Variants in LGR4 observed in about 807,000 individuals in gnomAD.
LGR4 encodes the protein leucine rich repeat containing G protein-coupled receptor 4.
LGR4 carries 44 observed loss-of-function variants against 84.8 expected under a neutral mutation model. The ratio of observed to expected loss-of-function variants is 0.52; its 90% CI spans 0.41 to 0.67. The LOEUF (loss-of-function observed/expected upper bound fraction) is 0.67, where lower values mean the gene tolerates loss of function less well. Among genes scored for constraint, LGR4 ranks in the 30% least tolerant of loss-of-function variants. The pLI, the probability that LGR4 is intolerant of heterozygous loss-of-function variation, is 0.00. For missense variants in LGR4, 1,032 were observed against 1,131.4 expected (o/e 0.91, Z 1.26); for synonymous variants, 429 against 434.3 (o/e 0.99, Z 0.15).
intron 2 of LGR4, among the ~76,000 whole-genome samples, chr11:27,396,631 C>T (rs1027348005): frequency 6.6e-6 from 1 of 152,146 alleles, no homozygotes; most frequent in Non-Finnish European, 1.5e-5. Flanking sequence ...AGCCACTTCC[C>T]ATTCCATGCC....
intron 2 of LGR4, among the ~76,000 whole-genome samples, chr11:27,406,717 C>A (rs12787344): frequency 0.16 from 24,932 of 152,058 alleles, 2,485 homozygotes; most frequent in South Asian, 0.28. Context: ...GTGATCTTTG[C>A]TACCAAGTCA....
At chr11:27,472,091 CCT>C (rs1239321252) in intron 1 of LGR4, 25 bp downstream of exon 1, 16 of 1,291,030 alleles carry the variant, frequency 1.2e-5, no homozygotes, top group East Asian at 6.6e-5. Context: ...CCTCCCCCCC[CCT>C]CGCGTCCCCG....
intron 2 of LGR4, among the ~76,000 whole-genome samples, chr11:27,408,221 T>G (rs547512875): frequency 4.7e-4 from 72 of 152,136 alleles, no homozygotes; most frequent in Non-Finnish European, 8.7e-4. Flanking sequence ...AATTATTTAC[T>G]AGCCCCGTTT....
chr11:27,368,038 G>C lies in LGR4; in HGVS notation c.2685C>G (p.Tyr895Ter). Residue 895 changes from tyrosine to a stop codon, truncating the protein, a stop_gained, in exon 18 of 18, where the codon TAC becomes TAG. Coordinates refer to ENST00000379214, the MANE Select transcript of LGR4 (RefSeq NM_018490.5). LOFTEE classifies it high-confidence loss of function. ...CCGACTGTGTGCCACAGTCGGACCA[G>C]TAGCCCTCAGGTCTTTGGCAAGAAG... ...AVASCQRPEGYWSDCGTQSAH... is the reference protein window; with the variant it reads ...AVASCQRPEG 1 of 1,514,750 alleles carries C rather than the reference G, an allele frequency of 6.6e-7. No individual in the cohort carries two copies. The highest frequency in any genetic ancestry group is 9.0e-7 in the Non-Finnish European group (1 of 1,116,920). The allele number at this position is 1,514,750 out of a possible 1,614,324, so 93.8% of individuals were successfully genotyped here.
chr11:27,426,937 G>C (rs962643748), intron 1 of LGR4, among the ~76,000 whole-genome samples: 3 of 152,168 alleles, frequency 2.0e-5, no homozygotes, highest in African/African-American at 7.2e-5. Context: ...ATGGTGCTTA[G>C]ACTATGAGGT....
In LGR4 at chr11:27,385,477, A is replaced by C. The variant is rs1287041118; in HGVS notation, c.402-9T>G. ...GGTTGGCATCTAAACGCCTAACAGA[A>C]ACAAAAACAACCATGTTCAGTAACA... On this transcript the variant is annotated splice_polypyrimidine_tract_variant and intron_variant, in intron 4 of 17. Coordinates refer to ENST00000379214, the MANE Select transcript of LGR4 (RefSeq NM_018490.5). 5 of 1,564,212 alleles carry C rather than the reference A, an allele frequency of 3.2e-6. No individual in the cohort carries two copies. The highest frequency in any genetic ancestry group is 3.5e-6 in the Non-Finnish European group (4 of 1,144,672).
chr11:27,424,019 T>C (rs1863972559), intron 1 of LGR4, among the ~76,000 whole-genome samples: 1 of 152,226 alleles, frequency 6.6e-6, no homozygotes, highest in Non-Finnish European at 1.5e-5. Context: ...TGAGAGTTAC[T>C]GCTTTATGAC....
At chr11:27,402,293 T>C (rs911030320) in intron 2 of LGR4, among the ~76,000 whole-genome samples, 2 of 152,178 alleles carry the variant, frequency 1.3e-5, no homozygotes, top group African/African-American at 4.8e-5. Flanking sequence ...GCTCTACTCC[T>C]AAATGAGAAC....
chr11:27,456,303 C>T (rs530344071), intron 1 of LGR4, among the ~76,000 whole-genome samples: 261 of 100,864 alleles, frequency 2.6e-3, no homozygotes, highest in African/African-American at 8.9e-3. Flanking sequence ...TAATAAACAT[C>T]AGCTCACACC....
At chr11:27,466,181 T>C (rs1471187906) in intron 1 of LGR4, among the ~76,000 whole-genome samples, 1 of 152,224 alleles carries the variant, frequency 6.6e-6, no homozygotes, top group Non-Finnish European at 1.5e-5. Context: ...TAAAGGCACA[T>C]TTGGCAGGGT....
chr11:27,430,818 T>C (rs1223262001), intron 1 of LGR4, among the ~76,000 whole-genome samples: 4 of 152,094 alleles, frequency 2.6e-5, no homozygotes, highest in Non-Finnish European at 5.9e-5. Context: ...GCAGTCTCTT[T>C]GTTCTATATC....
At chr11:27,378,637 G>T in intron 11 of LGR4, 60 bp downstream of exon 11, 2 of 1,132,388 alleles carry the variant, frequency 1.8e-6, no homozygotes, top group South Asian at 1.3e-5. Context: ...AAATAAAATT[G>T]AACATGTGTG....
chr11:27,441,047 C>T (rs1864297196), intron 1 of LGR4, among the ~76,000 whole-genome samples: 1 of 152,098 alleles, frequency 6.6e-6, no homozygotes, highest in South Asian at 2.1e-4. Flanking sequence ...GGAGAGTGTC[C>T]CCTTTTACAA....
At chr11:27,397,377 T>A (rs1325739497) in intron 2 of LGR4, among the ~76,000 whole-genome samples, 2 of 152,182 alleles carry the variant, frequency 1.3e-5, no homozygotes, top group African/African-American at 2.4e-5. Flanking sequence ...CTGATCTTCT[T>A]CAATGATCTT....
At chr11:27,431,487 C>T (rs769758116) in intron 1 of LGR4, among the ~76,000 whole-genome samples, 9 of 152,166 alleles carry the variant, frequency 5.9e-5, no homozygotes, top group African/African-American at 9.7e-5. Flanking sequence ...TAAACATTCA[C>T]GGGGAGGAGA....
intron 2 of LGR4, among the ~76,000 whole-genome samples, chr11:27,410,312 T>A (rs1590371285): frequency 6.6e-6 from 1 of 152,270 alleles, no homozygotes; most frequent in East Asian, 1.9e-4. Context: ...ATACTTCTTC[T>A]GTATTCTTGG....
At chr11:27,407,324 T>C (rs1363859900) in intron 2 of LGR4, among the ~76,000 whole-genome samples, 3 of 152,130 alleles carry the variant, frequency 2.0e-5, no homozygotes, top group Non-Finnish European at 2.9e-5. Flanking sequence ...TCCCCTCCAA[T>C]TCTGTGCCTT....
At chr11:27,383,172 G>A (rs1409471279) in intron 6 of LGR4, among the ~76,000 whole-genome samples, 8 of 152,192 alleles carry the variant, frequency 5.3e-5, no homozygotes, top group Non-Finnish European at 1.2e-4. Flanking sequence ...TCTTAGTTCT[G>A]AGAGTGTTTA....
At chr11:27,417,388 A>C (rs1252516217) in intron 1 of LGR4, among the ~76,000 whole-genome samples, 1 of 152,134 alleles carries the variant, frequency 6.6e-6, no homozygotes, top group Non-Finnish European at 1.5e-5. Flanking sequence ...TTGGTAATCA[A>C]CCAGAAATTT....
Sources: gnomAD v4.1 joint callset for allele counts (sites outside exome capture counted in the v4.1 genomes callset) on GRCh38, gnomAD v4.1.1 for gene constraint, MANE v1.5 for transcripts, NCBI Gene and HGNC (gene_info 2026-07-23, HGNC 2026-07-21) for gene names.